The following SATL1 variants were observed in gnomAD, a reference collection of about 807,000 sequenced individuals.
SATL1 encodes the protein spermidine/spermine N1-acetyl transferase like 1, also known as spermidine/spermine N(1)-acetyltransferase-like protein 1.
A neutral mutation model predicts 51.8 loss-of-function variants in SATL1; 47 were observed. The observed-to-expected ratio is 0.91, with a 90% CI of 0.72 to 1.16. SATL1 has a LOEUF of 1.16. Among genes scored for constraint, SATL1 ranks in the 50% most tolerant of loss-of-function variants. The probability of loss-of-function intolerance (pLI) is 0.00; values close to 1 mark genes in which losing one functional copy is unlikely to be tolerated. For missense variants in SATL1, 520 were observed against 526.4 expected (o/e 0.99, Z 0.12); for synonymous variants, 176 against 182.4 (o/e 0.97, Z 0.28).
At chrX:85,104,853 A>G (rs1924997488) in intron 3 of SATL1, among the ~76,000 whole-genome samples, 1 of 111,641 alleles carries the variant, frequency 9.0e-6, no homozygotes, top group Non-Finnish European at 1.9e-5. Context: ...AAGTCTGTAC[A>G]TGTTCAGTAC....
intron 2 of SATL1, chrX:85,210,235 C>T (rs748392717): frequency 2.8e-5 from 3 of 108,549 alleles, no homozygotes; most frequent in Non-Finnish European, 3.8e-5. Context: ...TTTCTGAGAC[C>T]GGATCTCAAA....
chrX:85,159,278 C>A (rs755592280), intron 2 of SATL1, among the ~76,000 whole-genome samples: 20 of 111,723 alleles, frequency 1.8e-4, no homozygotes, highest in African/African-American at 5.5e-4. Flanking sequence ...TTTTAGACAA[C>A]GAGTTATATA....
intron 3 of SATL1, among the ~76,000 whole-genome samples, chrX:85,104,221 G>C (rs1364080433): frequency 1.8e-5 from 2 of 111,868 alleles, no homozygotes; most frequent in South Asian, 7.4e-4. Context: ...AAAAGTTACT[G>C]AGCATTCAAG....
At chrX:85,204,839 T>A (rs752292563) in intron 2 of SATL1, among the ~76,000 whole-genome samples, 1 of 106,596 alleles carries the variant, frequency 9.4e-6, no homozygotes, top group African/African-American at 3.4e-5. Context: ...ATGTATTAAA[T>A]CTTCAAACAA....
chrX:85,121,175 G>A (rs141144957), intron 2 of SATL1, among the ~76,000 whole-genome samples: 2,662 of 108,758 alleles, frequency 0.024, 93 homozygotes, highest in African/African-American at 0.085. Flanking sequence ...TTTTTTGTGG[G>A]GATCCATTCA....
chrX:85,149,363 A>G (rs1454143510), intron 2 of SATL1, among the ~76,000 whole-genome samples: 2 of 111,292 alleles, frequency 1.8e-5, no homozygotes, highest in Non-Finnish European at 3.8e-5. Flanking sequence ...TACAATAATA[A>G]TGGGAGACTT....
At position 85,191,726 on chromosome X, in the gene SATL1, T is replaced by A. The variant is rs371093499; in HGVS notation, c.-313+32479A>T. On this transcript the variant is annotated intron_variant, in intron 2 of 7. Coordinates refer to ENST00000644105, the MANE Select transcript of SATL1 (RefSeq NM_001367857.2). ...TAAAATGTATTTACTATTCATTAAG[T>A]GGAAATGGATCATCATAAAGGTCTT... Among the ~76,000 whole-genome samples the A allele has an allele frequency of 1.2e-4, 13 of 111,702 alleles. No individual in the cohort carries two copies. In the East Asian group the frequency reaches 3.1e-3, roughly 27 times the overall value.
chrX:85,203,115 G>C (rs896775903), intron 2 of SATL1, among the ~76,000 whole-genome samples: 3 of 111,362 alleles, frequency 2.7e-5, no homozygotes, highest in African/African-American at 9.8e-5. Flanking sequence ...TAGTCACCTC[G>C]GATTTTCCAG....
intron 2 of SATL1, among the ~76,000 whole-genome samples, chrX:85,141,811 A>C (rs1926113922): frequency 9.1e-6 from 1 of 109,534 alleles, no homozygotes; most frequent in Admixed American, 9.8e-5. Context: ...TAGATAAAGA[A>C]TTAGAGTCTA....
chrX:85,148,504 A>G (rs930554055), intron 2 of SATL1, among the ~76,000 whole-genome samples: 9 of 110,508 alleles, frequency 8.1e-5, no homozygotes, highest in African/African-American at 3.0e-4. Flanking sequence ...ACTCCAAGAC[A>G]CATAATTGTC....
In SATL1 at chrX:85,107,927, G is replaced by A. The variant is rs1468681622; in HGVS notation, c.1042C>T (p.Gln348Ter). The A allele has an allele frequency of 8.3e-7, 1 of 1,211,123 alleles. No homozygotes were observed. Among genetic ancestry groups the A allele is most frequent in the Admixed American group, 2.2e-5 (1 of 45,977 alleles). ...GGGGCTCGTTGCGGTGGACCTGGTTGGCTTATGCTTGCTTCACTCAGGACT... is the reference window on the plus strand; with the variant it reads ...GGGGCTCGTTGCGGTGGACCTGGTTAGCTTATGCTTGCTTCACTCAGGACT... ...ELVLSEASISQPGPPQRAPSQ... is the reference protein window; with the variant it reads ...ELVLSEASIS Residue 348 changes from glutamine (Q) to a stop codon, truncating the protein, a stop_gained, in exon 3 of 8, where the codon CAA (glutamine) becomes TAA (stop). Coordinates refer to ENST00000644105, the MANE Select transcript of SATL1 (RefSeq NM_001367857.2). LOFTEE classifies it high-confidence loss of function.
At chrX:85,122,618 A>C (rs986356419) in intron 2 of SATL1, among the ~76,000 whole-genome samples, 1 of 108,532 alleles carries the variant, frequency 9.2e-6, no homozygotes, top group Admixed American at 9.8e-5. Context: ...TAAGTGTACA[A>C]AAAAAAAGAA....
At chrX:85,114,498 A>G (rs1174919533) in intron 2 of SATL1, among the ~76,000 whole-genome samples, 2 of 111,718 alleles carry the variant, frequency 1.8e-5, no homozygotes, top group African/African-American at 6.5e-5. Flanking sequence ...GCAACCGTTA[A>G]AGTTCTATAG....
intron 2 of SATL1, chrX:85,142,958 T>C (rs781395266): frequency 3.6e-5 from 4 of 111,710 alleles, no homozygotes; most frequent in South Asian, 7.8e-4. Flanking sequence ...TTTCTTCATC[T>C]CTTCTCTTTG....
intron 2 of SATL1, among the ~76,000 whole-genome samples, chrX:85,165,915 G>C (rs1240190900): frequency 9.0e-6 from 1 of 111,561 alleles, no homozygotes. Context: ...CATGGCACTG[G>C]TATAATAGTA....
At chrX:85,201,233 A>T (rs191309220) in intron 2 of SATL1, among the ~76,000 whole-genome samples, 2 of 111,292 alleles carry the variant, frequency 1.8e-5, no homozygotes, top group African/African-American at 6.5e-5. Flanking sequence ...TTACTTAGAG[A>T]TTTAAAATAC....
intron 2 of SATL1, among the ~76,000 whole-genome samples, chrX:85,145,957 C>A (rs1185215977): frequency 9.5e-6 from 1 of 105,769 alleles, no homozygotes; most frequent in Non-Finnish European, 1.9e-5. Flanking sequence ...AGTGCAGTGG[C>A]ACGATCTCGG....
At chrX:85,243,020 C>G (rs1422754343) in intron 1 of SATL1, among the ~76,000 whole-genome samples, 2 of 111,983 alleles carry the variant, frequency 1.8e-5, no homozygotes, top group African/African-American at 6.5e-5. Flanking sequence ...GACTCCTGGT[C>G]TACTATGAGC....
chrX:85,243,017 G>T (rs763939438), intron 1 of SATL1, among the ~76,000 whole-genome samples: 1 of 111,618 alleles, frequency 9.0e-6, no homozygotes, highest in African/African-American at 3.3e-5. Flanking sequence ...GCCGACTCCT[G>T]GTCTACTATG....
Sources: gnomAD v4.1 joint callset for allele counts (sites outside exome capture counted in the v4.1 genomes callset) on GRCh38, gnomAD v4.1.1 for gene constraint, MANE v1.5 for transcripts, NCBI Gene and HGNC (gene_info 2026-07-23, HGNC 2026-07-21) for gene names.